Variants in GRK3 observed in about 807,000 individuals in gnomAD.
GRK3 encodes the protein adrenergic, beta, receptor kinase 2.
A neutral mutation model predicts 95.7 loss-of-function variants in GRK3; 54 were observed. The ratio of observed to expected loss-of-function variants is 0.56; its 90% CI spans 0.45 to 0.71. The LOEUF is 0.71. GRK3 is among the 30% of genes least tolerant of loss of function. GRK3 has a pLI of 0.00. For missense variants in GRK3, 649 were observed against 851.2 expected (o/e 0.76, Z 2.96); for synonymous variants, 281 against 290.8 (o/e 0.97, Z 0.34).
intron 6 of GRK3, among the ~76,000 whole-genome samples, chr22:25,668,059 A>G (rs1569186115): frequency 6.6e-6 from 1 of 152,164 alleles, no homozygotes; most frequent in African/African-American, 2.4e-5. Context: ...AGGAACCTCA[A>G]TTTTAAAAAG....
At chr22:25,568,645 C>T (rs1931577942) in intron 1 of GRK3, among the ~76,000 whole-genome samples, 1 of 152,084 alleles carries the variant, frequency 6.6e-6, no homozygotes, top group South Asian at 2.1e-4. Flanking sequence ...TATGACAAAC[C>T]CAGCCACAGC....
At chr22:25,611,944 T>C (rs1450887985) in intron 2 of GRK3, among the ~76,000 whole-genome samples, 1 of 150,352 alleles carries the variant, frequency 6.7e-6, no homozygotes, top group Non-Finnish European at 1.5e-5. Flanking sequence ...GTGATTCTCC[T>C]GTCTCAGCCT....
chr22:25,663,831 CTTTGTCTGGGACTA>C, intron 5 of GRK3, 127 bp downstream of exon 5: 1 of 646,622 alleles, frequency 1.5e-6, no homozygotes, highest in Admixed American at 2.9e-5. Context: ...TATTCTGGAG[CTTTGTCTGGGACTA>C]TTTGAGTTTA....
intron 9 of GRK3, among the ~76,000 whole-genome samples, chr22:25,679,128 T>C (rs559771760): frequency 2.6e-5 from 4 of 152,338 alleles, no homozygotes; most frequent in African/African-American, 9.6e-5. Context: ...AGTGCCTATT[T>C]ATTTGTCCTT....
chr22:25,660,662 G>GGTAACC lies in GRK3; in HGVS notation c.265-913_265-908dup, dbSNP rs1471898157. ...GTGAAAGCCGTACTATAAGGTAAAAGGTAACCTTTATTTCTATTTAGTTTG... is the reference window on the plus strand; with the variant it reads ...GTGAAAGCCGTACTATAAGGTAAAAGGTAACCGTAACCTTTATTTCTATTTAGTTTG... On this transcript the variant is annotated intron_variant, in intron 3 of 20. Transcript: ENST00000324198. Among the ~76,000 whole-genome samples the GGTAACC allele has an allele frequency of 1.9e-4, 29 of 152,222 alleles. 1 individual carries two copies. In the East Asian group the frequency reaches 3.1e-3, roughly 16 times the overall value.
chr22:25,659,376 G>A (rs1013267522), intron 3 of GRK3, among the ~76,000 whole-genome samples: 6 of 152,160 alleles, frequency 3.9e-5, no homozygotes, highest in African/African-American at 1.4e-4. Context: ...AACAAAGGGT[G>A]GGCGCAGAAG....
intron 1 of GRK3, among the ~76,000 whole-genome samples, chr22:25,579,252 T>C (rs1214795167): frequency 6.6e-6 from 1 of 151,416 alleles, no homozygotes; most frequent in Non-Finnish European, 1.5e-5. Context: ...CTCAACCTCC[T>C]GGGCTCAACT....
intron 3 of GRK3, among the ~76,000 whole-genome samples, chr22:25,646,192 G>A (rs926978756): frequency 6.6e-6 from 1 of 152,150 alleles, no homozygotes; most frequent in African/African-American, 2.4e-5. Context: ...AGGCCAGCAG[G>A]TGAGTCAGAT....
At chr22:25,611,942 C>T (rs1168849732) in intron 2 of GRK3, among the ~76,000 whole-genome samples, 1 of 150,152 alleles carries the variant, frequency 6.7e-6, no homozygotes, top group Non-Finnish European at 1.5e-5. Context: ...AAGTGATTCT[C>T]CTGTCTCAGC....
intron 2 of GRK3, among the ~76,000 whole-genome samples, chr22:25,616,592 T>C (rs1175491926): frequency 6.6e-6 from 1 of 152,098 alleles, no homozygotes; most frequent in African/African-American, 2.4e-5. Flanking sequence ...CCAAAACATT[T>C]CAGAGACCTC....
chr22:25,680,530 A>G (rs1318552171), intron 9 of GRK3, among the ~76,000 whole-genome samples: 1 of 152,236 alleles, frequency 6.6e-6, no homozygotes, highest in Non-Finnish European at 1.5e-5. Context: ...GAAAAACATA[A>G]GTATAGTTTT....
rs958362230 is a variant in GRK3, at chr22:25,723,547, T to C, written c.*1097T>C. 6.6e-6 allele frequency: 1 copy of C among 152,212 alleles called. No homozygotes were observed. The highest frequency in any genetic ancestry group is 2.4e-5 in the African/African-American group (1 of 41,456). The allele number at this position is 152,212 out of a possible 1,614,324, so 9.4% of individuals were successfully genotyped here. ...GTACGACAGTGAGGACCTTAGGGCA[T>C]GAAGCCTTTTTCCTGGTCCCAGCAG... On this transcript the variant is annotated 3_prime_UTR_variant, in exon 21 of 21. Transcript: ENST00000324198.
At chr22:25,596,722 T>A (rs1430792317) in intron 1 of GRK3, among the ~76,000 whole-genome samples, 1 of 152,198 alleles carries the variant, frequency 6.6e-6, no homozygotes, top group Non-Finnish European at 1.5e-5. Context: ...ATTCATATCT[T>A]TATTGAGACT....
At chr22:25,576,801 G>A (rs1013671303) in intron 1 of GRK3, among the ~76,000 whole-genome samples, 7 of 152,268 alleles carry the variant, frequency 4.6e-5, no homozygotes, top group Admixed American at 2.0e-4. Flanking sequence ...AATTTCAGAC[G>A]TTAGTGACAC....
intron 10 of GRK3, among the ~76,000 whole-genome samples, chr22:25,687,148 T>A (rs2085122114): frequency 6.6e-6 from 1 of 151,888 alleles, no homozygotes; most frequent in African/African-American, 2.4e-5. Context: ...GTTTTTTTGT[T>A]TTTTTTTGTC....
intron 1 of GRK3, among the ~76,000 whole-genome samples, chr22:25,579,254 G>C (rs537051227): frequency 8.6e-5 from 13 of 151,404 alleles, no homozygotes; most frequent in Admixed American, 2.6e-4. Flanking sequence ...CAACCTCCTG[G>C]GCTCAACTGA....
chr22:25,625,137 A>G (rs988938747), intron 2 of GRK3, among the ~76,000 whole-genome samples: 3 of 152,128 alleles, frequency 2.0e-5, no homozygotes, highest in Non-Finnish European at 4.4e-5. Context: ...GTGGGCGGCA[A>G]GCCACCCAGG....
intron 3 of GRK3, among the ~76,000 whole-genome samples, chr22:25,655,433 A>G (rs774813867): frequency 6.6e-6 from 1 of 152,154 alleles, no homozygotes; most frequent in East Asian, 1.9e-4. Context: ...AGCTTTCTCT[A>G]AGGTCTAGCT....
intron 3 of GRK3, among the ~76,000 whole-genome samples, chr22:25,657,395 T>A (rs1367625519): frequency 6.6e-6 from 1 of 152,196 alleles, no homozygotes; most frequent in Non-Finnish European, 1.5e-5. Context: ...CATTTTTGAT[T>A]GTTGTGTCTT....
Sources: gnomAD v4.1 joint callset for allele counts (sites outside exome capture counted in the v4.1 genomes callset) on GRCh38, gnomAD v4.1.1 for gene constraint, MANE v1.5 for transcripts, NCBI Gene and HGNC (gene_info 2026-07-23, HGNC 2026-07-21) for gene names.